PTPRN2: variants seen among roughly 807,000 people sequenced by gnomAD.
The protein encoded by PTPRN2 is protein tyrosine phosphatase receptor type N2.
PTPRN2 carries 74 observed loss-of-function variants against 118.8 expected under a neutral mutation model. That is an observed-to-expected ratio of 0.62 (90% CI 0.52 to 0.76). The LOEUF (loss-of-function observed/expected upper bound fraction) is 0.76. PTPRN2 is among the 30% of genes least tolerant of loss of function. The pLI is 0.00. For missense variants in PTPRN2, 1,481 were observed against 1,394.4 expected (o/e 1.06, Z -0.99); for synonymous variants, 641 against 608.0 (o/e 1.05, Z -0.80).
At chr7:157,580,798 C>G (rs1345568553) in intron 17 of PTPRN2, among the ~76,000 whole-genome samples, 4 of 94,120 alleles carry the variant, frequency 4.2e-5, no homozygotes, top group South Asian at 3.5e-4. Context: ...CTGCACACCC[C>G]AGCACCTGCA....
chr7:158,081,749 G>A (rs1301364531), intron 10 of PTPRN2, among the ~76,000 whole-genome samples: 1 of 152,198 alleles, frequency 6.6e-6, no homozygotes, highest in Non-Finnish European at 1.5e-5. Context: ...TGAATCTAGA[G>A]CAGAGAGGAA....
chr7:157,552,806 G>A (rs1798698955), intron 21 of PTPRN2, among the ~76,000 whole-genome samples: 1 of 152,218 alleles, frequency 6.6e-6, no homozygotes, highest in Non-Finnish European at 1.5e-5. Context: ...TCCGCTCCGC[G>A]TGCCTATGCT....
intron 3 of PTPRN2, among the ~76,000 whole-genome samples, chr7:158,300,292 C>T (rs1483665234): frequency 6.6e-6 from 1 of 152,184 alleles, no homozygotes; most frequent in East Asian, 1.9e-4. Context: ...GAGTCAAGGC[C>T]ATAAAGCAAA....
chr7:158,157,563 G>A (rs1821935460), intron 6 of PTPRN2, among the ~76,000 whole-genome samples: 2 of 152,230 alleles, frequency 1.3e-5, no homozygotes, highest in Non-Finnish European at 2.9e-5. Context: ...GAAGACATGA[G>A]CTGGGTGGAG....
intron 2 of PTPRN2, among the ~76,000 whole-genome samples, chr7:158,373,010 A>G (rs1472203311): frequency 6.6e-6 from 1 of 152,144 alleles, no homozygotes; most frequent in East Asian, 1.9e-4. Flanking sequence ...GGGCCACTAC[A>G]GGGAGGCTGC....
intron 12 of PTPRN2, among the ~76,000 whole-genome samples, chr7:157,809,779 C>T (rs560127890): frequency 7.2e-5 from 11 of 152,252 alleles, no homozygotes; most frequent in Admixed American, 3.3e-4. Flanking sequence ...CCCGCGGTCC[C>T]GTCAGACAAT....
chr7:158,234,467 A>G (rs1829389293), intron 3 of PTPRN2, among the ~76,000 whole-genome samples: 1 of 152,182 alleles, frequency 6.6e-6, no homozygotes, highest in Non-Finnish European at 1.5e-5. Context: ...CAAATGGTAA[A>G]CAGATATAGT....
intron 12 of PTPRN2, among the ~76,000 whole-genome samples, chr7:157,810,993 G>C (rs114315256): frequency 0.019 from 2,964 of 152,054 alleles, 97 homozygotes; most frequent in African/African-American, 0.065. Context: ...TTTTTGGGGC[G>C]GGGCGCTGTG....
intron 12 of PTPRN2, among the ~76,000 whole-genome samples, chr7:157,698,791 T>G (rs569364789): frequency 1.3e-5 from 2 of 152,356 alleles, no homozygotes; most frequent in East Asian, 1.9e-4. Flanking sequence ...TACAGAATAA[T>G]GCCATAAGGC....
At chr7:158,063,404 A>G (rs922138273) in intron 11 of PTPRN2, among the ~76,000 whole-genome samples, 1 of 152,218 alleles carries the variant, frequency 6.6e-6, no homozygotes, top group African/African-American at 2.4e-5. Flanking sequence ...AAGACCAATC[A>G]GCTCTCTGTA....
chr7:157,661,501 CGCTCT>C lies in PTPRN2; in HGVS notation c.2002-4955_2002-4951del, dbSNP rs1795889558. On this transcript the variant is annotated intron_variant, in intron 13 of 22. Transcript: ENST00000389418. Reference sequence around the variant, plus strand: ...CGGGTGCTCTAGCCCGGCGCTGCTCCGCTCTGAACCCACCGCTACCAAGTTTCTAT... The same window carrying C: ...CGGGTGCTCTAGCCCGGCGCTGCTCCGAACCCACCGCTACCAAGTTTCTAT... 2.0e-5 allele frequency among the ~76,000 whole-genome samples: 3 copies of C among 152,380 alleles called. No homozygotes were observed. In the South Asian group the frequency reaches 6.2e-4, roughly 32 times the overall value.
At chr7:158,372,308 A>G (rs35665468) in intron 2 of PTPRN2, among the ~76,000 whole-genome samples, 59,929 of 82,320 alleles carry the variant, frequency 0.73, 22,307 homozygotes, top group East Asian at 0.97. Flanking sequence ...GGTCCCCCCA[A>G]CGCTGGTCCC....
rs146289871 is a variant in PTPRN2, at chr7:157,809,222, A to C, written c.1788+89451T>G. On this transcript the variant is annotated intron_variant, in intron 12 of 22. Coordinates refer to ENST00000389418, the MANE Select transcript of PTPRN2 (RefSeq NM_002847.5). ...TGCCTTATGGAGCCAGGAGGCTGTG[A>C]CTCTGGCCCTGGAGGGGGCTCAGCC... 6.5e-3 allele frequency among the ~76,000 whole-genome samples: 991 copies of C among 151,896 alleles called. 11 individuals are homozygous for C. The highest frequency in any genetic ancestry group is 0.023 in the African/African-American group (945 of 41,176).
chr7:158,001,320 T>C (rs1314490187), intron 11 of PTPRN2, among the ~76,000 whole-genome samples: 10 of 139,522 alleles, frequency 7.2e-5, no homozygotes, highest in Admixed American at 3.8e-4. Context: ...CTCTTGGCTG[T>C]GCATGTCACA....
At chr7:158,124,655 G>A (rs1221502548) in intron 9 of PTPRN2, among the ~76,000 whole-genome samples, 2 of 152,242 alleles carry the variant, frequency 1.3e-5, no homozygotes, top group Non-Finnish European at 2.9e-5. Flanking sequence ...GACGTGAACA[G>A]GAAGCTGCCT....
chr7:158,569,457 G>T (rs916871711), intron 1 of PTPRN2, among the ~76,000 whole-genome samples: 1 of 152,252 alleles, frequency 6.6e-6, no homozygotes, highest in African/African-American at 2.4e-5. Flanking sequence ...TCCCCGGGAC[G>T]TCACAGCGGA....
chr7:157,825,063 C>T (rs918296321), intron 12 of PTPRN2, among the ~76,000 whole-genome samples: 2 of 152,160 alleles, frequency 1.3e-5, no homozygotes, highest in African/African-American at 4.8e-5. Context: ...CTTCACCATC[C>T]CAGGCCTGCT....
intron 12 of PTPRN2, among the ~76,000 whole-genome samples, chr7:157,713,872 T>C (rs545512810): frequency 6.6e-6 from 1 of 152,282 alleles, no homozygotes; most frequent in South Asian, 2.1e-4. Flanking sequence ...AGCCCTCACA[T>C]GGCACACACC....
At position 158,332,300 on chromosome 7, in the gene PTPRN2, C is replaced by G. The variant is rs1362452039; in HGVS notation, c.164-15368G>C. Among the ~76,000 whole-genome samples, 6 of 44,624 alleles carry G rather than the reference C, an allele frequency of 1.3e-4. 1 individual carries two copies. The highest frequency in any genetic ancestry group is 3.4e-4 in the African/African-American group (6 of 17,828). 29.3% of individuals were successfully genotyped at this position (44,624 alleles called of 152,430 possible). A position where few individuals can be genotyped will look rare whatever the true frequency, so the allele number is the denominator to read the frequency against. On this transcript the variant is annotated intron_variant, in intron 2 of 22. Transcript: ENST00000389418. ...GATAAGAGGTGACATCTGCAGACGT[C>G]ACTCACACCCACACTCTCACCATAA...
Sources: gnomAD v4.1 joint callset for allele counts (sites outside exome capture counted in the v4.1 genomes callset) on GRCh38, gnomAD v4.1.1 for gene constraint, MANE v1.5 for transcripts, NCBI Gene and HGNC (gene_info 2026-07-23, HGNC 2026-07-21) for gene names.